The following TTC34 variants were observed in gnomAD, a reference collection of about 807,000 sequenced individuals.
TTC34 encodes tetratricopeptide repeat domain 34.
A neutral mutation model predicts 40.7 loss-of-function variants in TTC34; 44 were observed. The ratio of observed to expected loss-of-function variants is 1.08; its 90% CI spans 0.85 to 1.39. The LOEUF is 1.39. Ranked by LOEUF, TTC34 falls within the 40% of genes most tolerant of loss-of-function variation. The probability of loss-of-function intolerance (pLI) is 0.00; values close to 1 mark genes in which losing one functional copy is unlikely to be tolerated. For missense variants in TTC34, 884 were observed against 838.0 expected (o/e 1.05, Z -0.68); for synonymous variants, 422 against 398.6 (o/e 1.06, Z -0.70).
intron 6 of TTC34, among the ~76,000 whole-genome samples, chr1:2,768,434 G>C (rs1386201930): frequency 6.6e-6 from 1 of 151,744 alleles, no homozygotes; most frequent in East Asian, 1.9e-4. Flanking sequence ...GTGAGCATCT[G>C]ACAGCCTGGA....
chr1:2,767,931 C>A (rs1338685563), intron 6 of TTC34, among the ~76,000 whole-genome samples: 1 of 147,564 alleles, frequency 6.8e-6, no homozygotes, highest in Non-Finnish European at 1.5e-5. Context: ...CCACACACCC[C>A]AAGGTGGGCA....
At chr1:2,755,597 C>A (rs1641477139) in intron 6 of TTC34, among the ~76,000 whole-genome samples, 1 of 121,734 alleles carries the variant, frequency 8.2e-6, no homozygotes. Context: ...CGGCGAGCAT[C>A]CGACAGCCTG....
At chr1:2,756,990 C>G (rs1641528089) in intron 6 of TTC34, among the ~76,000 whole-genome samples, 152 of 113,264 alleles carry the variant, frequency 1.3e-3, no homozygotes, top group South Asian at 2.7e-3. Flanking sequence ...CCCACACGCC[C>G]AGGTGAGCCT....
rs1247373941 is a variant in TTC34 at position 2,682,145 on chromosome 1, C to T, written c.2227-36582G>A. Among the ~76,000 whole-genome samples, 11 of 127,786 alleles carry T rather than the reference C, an allele frequency of 8.6e-5. No individual in the cohort carries two copies. In the South Asian group the frequency reaches 1.3e-3, roughly 15 times the overall value. The allele number at this position is 127,786 out of a possible 152,430, so 83.8% of individuals were successfully genotyped here. A position where few individuals can be genotyped will look rare whatever the true frequency, so the allele number is the denominator to read the frequency against. On this transcript the variant is annotated intron_variant, in intron 6 of 8. Transcript: ENST00000401095. ...TCTGACAGCCTGGAACAGCACCCTG[C>T]ACCCCCAGGTGAGCATCCGACAGCC... is the stretch of plus-strand genomic sequence containing the variant.
rs1281762784 is a variant in TTC34 at position 2,787,731 on chromosome 1, G to T, written c.1629-25C>A. The stretch of plus-strand genomic sequence containing the variant: ...CCTGTGTGGAGATCAGCTCAGGGGG[G>T]CATGCCCCTTTTGACAACCCCTCCA... On this transcript the variant is annotated intron_variant, in intron 3 of 8. Coordinates refer to ENST00000401095, the Ensembl canonical transcript of TTC34. 7 of 1,488,596 alleles carry T rather than the reference G, an allele frequency of 4.7e-6. No individual in the cohort carries two copies. In the East Asian group the frequency reaches 1.5e-4, roughly 32 times the overall value. 92.2% of individuals were successfully genotyped at this position (1,488,596 alleles called of 1,614,324 possible).
intron 6 of TTC34, among the ~76,000 whole-genome samples, chr1:2,751,862 A>C (rs1641331415): frequency 9.1e-6 from 1 of 110,244 alleles, no homozygotes; most frequent in African/African-American, 4.2e-5. Context: ...CCAAGTGAGC[A>C]TCCGACAGCC....
At chr1:2,780,935 A>T (rs1643472877) in intron 6 of TTC34, among the ~76,000 whole-genome samples, 1 of 152,192 alleles carries the variant, frequency 6.6e-6, no homozygotes, top group South Asian at 2.1e-4. Context: ...AATTTATTTC[A>T]GCAATGTTTT....
At chr1:2,788,399 T>TGTGTGTGTGTTATGTATGTGTTGTGC (rs1643620447) in intron 3 of TTC34, among the ~76,000 whole-genome samples, 1 of 150,326 alleles carries the variant, frequency 6.7e-6, no homozygotes, top group African/African-American at 2.5e-5. Flanking sequence ...TCTGGTGTGT[T>TGTGTGTGTGTTATGTATGTGTTGTGC]GTGTGTGTGT....
chr1:2,688,644 C>A (rs1262966686), intron 6 of TTC34, among the ~76,000 whole-genome samples: 1 of 135,362 alleles, frequency 7.4e-6, no homozygotes, highest in Non-Finnish European at 1.5e-5. Context: ...TGGAGTAGCA[C>A]CCACAACCAC....
At chr1:2,685,236 C>T (rs1251812812) in intron 6 of TTC34, among the ~76,000 whole-genome samples, 1 of 50,222 alleles carries the variant, frequency 2.0e-5, no homozygotes, top group African/African-American at 5.8e-5. Flanking sequence ...GCAGCACCCA[C>T]ACCCCAGGTG....
rs1219189784 is a variant in TTC34 at position 2,800,886 on chromosome 1, T to C, written c.-41-18A>G. On this transcript the variant is annotated intron_variant, in intron 1 of 8. Coordinates refer to ENST00000401095, the Ensembl canonical transcript of TTC34. ...CAGAGTACCTGGGGGTGGGGGAGCA[T>C]GGTGAGTCCACAGAGGGCGGCCAGT... 5.0e-5 allele frequency: 20 copies of C among 398,346 alleles called. 1 individual carries two copies. The East Asian group carries it at 7.1e-4, about 14-fold the overall frequency. 24.7% of individuals were successfully genotyped at this position (398,346 alleles called of 1,614,324 possible).
chr1:2,791,583 C>T (rs1643663973), intron 2 of TTC34, among the ~76,000 whole-genome samples: 2 of 152,142 alleles, frequency 1.3e-5, no homozygotes, highest in Non-Finnish European at 2.9e-5. Flanking sequence ...TGTCTCGTGC[C>T]CTGAGACTAG....
intron 6 of TTC34, among the ~76,000 whole-genome samples, chr1:2,767,805 A>G (rs1452980041): frequency 6.7e-6 from 1 of 149,028 alleles, no homozygotes; most frequent in East Asian, 2.0e-4. Flanking sequence ...CAGCACCCAC[A>G]CTCCCAGGTG....
At chr1:2,801,248 G>A (rs1643769076) in intron 1 of TTC34, among the ~76,000 whole-genome samples, 1 of 151,856 alleles carries the variant, frequency 6.6e-6, no homozygotes, top group Non-Finnish European at 1.5e-5. Context: ...TCCCAACCCT[G>A]AGCCCCTCAG....
chr1:2,751,036 A>T (rs1257886369), intron 6 of TTC34, among the ~76,000 whole-genome samples: 1 of 114,290 alleles, frequency 8.7e-6, no homozygotes, highest in Admixed American at 9.1e-5. Flanking sequence ...AGCCTGGAAC[A>T]GAACCCACAC....
Position 2,645,587 on chromosome 1 carries a change from G to GGGGGGCC in TTC34, c.2227-25_2227-24insGGCCCCC. The GGGGGGCC allele has an allele frequency of 4.4e-6, 1 of 229,522 alleles. No homozygotes were observed. Among genetic ancestry groups the GGGGGGCC allele is most frequent in the Non-Finnish European group, 8.6e-6 (1 of 116,444 alleles). 14.2% of individuals were successfully genotyped at this position (229,522 alleles called of 1,614,324 possible). Reference sequence around the variant, plus strand: ...TCCTGCAAGGAGGGAGGGCGGGCGGGTGCAGAGTTGTCCTAAGTAGAGAAA... The same window carrying GGGGGGCC: ...TCCTGCAAGGAGGGAGGGCGGGCGGGGGGGGCCTGCAGAGTTGTCCTAAGTAGAGAAA... On this transcript the variant is annotated intron_variant, in intron 6 of 8. Transcript: ENST00000401095. This position sits in a 1 kb window ranked among gnomAD's most constrained non-coding sequence, Gnocchi z 4.7.
chr1:2,684,320 A>T (rs1338273832), intron 6 of TTC34, among the ~76,000 whole-genome samples: 1 of 145,504 alleles, frequency 6.9e-6, no homozygotes, highest in Admixed American at 6.9e-5. Flanking sequence ...CCACACCCCC[A>T]AGTGAGCATC....
At chr1:2,637,126 G>C (rs564066124) in exon 9 of TTC34, 1 of 152,136 alleles carries the variant, frequency 6.6e-6, no homozygotes, top group East Asian at 1.9e-4. Context: ...GGCTCAGAAT[G>C]GGGGAGTGCA....
intron 6 of TTC34, among the ~76,000 whole-genome samples, chr1:2,683,686 A>C (rs537264327): frequency 6.8e-6 from 1 of 146,270 alleles, no homozygotes; most frequent in South Asian, 2.1e-4. Flanking sequence ...CCAGGTGACG[A>C]TCTGACAGCC....
Sources: gnomAD v4.1 joint callset for allele counts (sites outside exome capture counted in the v4.1 genomes callset) on GRCh38, gnomAD v4.1.1 for gene constraint, Gnocchi (gnomAD v3.1) non-coding constraint, MANE v1.5 for transcripts, NCBI Gene and HGNC (gene_info 2026-07-23, HGNC 2026-07-21) for gene names.